SLC23A2: variants seen among roughly 807,000 people sequenced by gnomAD.
SLC23A2 encodes the protein solute carrier family 23 member 2.
Under a neutral mutation model 73.3 loss-of-function variants are expected in SLC23A2, and 36 were observed. The observed-to-expected ratio is 0.49, with a 90% confidence interval of 0.38 to 0.65. The LOEUF (loss-of-function observed/expected upper bound fraction) is 0.65. Ranked by LOEUF, SLC23A2 falls within the 30% of genes least tolerant of loss-of-function variation. The probability of loss-of-function intolerance (pLI) is 0.00; values close to 1 mark genes in which losing one functional copy is unlikely to be tolerated. For synonymous variants in SLC23A2, 343 were observed against 327.3 expected (o/e 1.05, Z -0.52); for missense variants, 507 against 841.6 (o/e 0.60, Z 4.92).
At chr20:4,880,551 A>G (rs1930841987) in intron 9 of SLC23A2, among the ~76,000 whole-genome samples, 1 of 152,212 alleles carries the variant, frequency 6.6e-6, no homozygotes, top group South Asian at 2.1e-4. Flanking sequence ...CAATCTTGGC[A>G]GAAGGAATAA....
rs571649196 is a variant in SLC23A2, at chr20:4,960,325, C to A, written c.-155+10468G>T. ...TTGTTGACAGAGAAGAAAATTGGTT[C>A]AAATACTTGGGAGAACCACTGCTAA... On this transcript the variant is annotated intron_variant, in intron 2 of 16. Transcript: ENST00000338244. Among the ~76,000 whole-genome samples the A allele has an allele frequency of 2.6e-5, 4 of 152,262 alleles. No homozygotes were observed. In the South Asian group the frequency reaches 8.3e-4, roughly 32 times the overall value.
intron 13 of SLC23A2, among the ~76,000 whole-genome samples, chr20:4,866,659 C>T (rs776042490): frequency 6.6e-6 from 1 of 152,252 alleles, no homozygotes; most frequent in African/African-American, 2.4e-5. Context: ...ACAAACAAAC[C>T]AGGCATGTGT....
intron 15 of SLC23A2, among the ~76,000 whole-genome samples, chr20:4,860,691 A>T (rs909564011): frequency 5.9e-5 from 9 of 152,250 alleles, no homozygotes; most frequent in African/African-American, 1.9e-4. Flanking sequence ...CCATCAATGG[A>T]TGAATCGATA....
chr20:4,951,685 A>G (rs763696546), intron 2 of SLC23A2, among the ~76,000 whole-genome samples: 2 of 152,210 alleles, frequency 1.3e-5, no homozygotes, highest in Non-Finnish European at 2.9e-5. Flanking sequence ...AAAAAGTGCT[A>G]AAATTGTATT....
intron 4 of SLC23A2, among the ~76,000 whole-genome samples, chr20:4,908,567 A>G (rs1324352879): frequency 2.6e-5 from 4 of 152,236 alleles, no homozygotes; most frequent in Admixed American, 2.6e-4. Flanking sequence ...ATATTTTAAA[A>G]TTGGGATTAA....
chr20:4,900,701 A>C (rs1426185898), intron 5 of SLC23A2, among the ~76,000 whole-genome samples: 1 of 152,150 alleles, frequency 6.6e-6, no homozygotes, highest in African/African-American at 2.4e-5. Flanking sequence ...AGCCATGGGA[A>C]TCTTCCAGAA....
chr20:4,984,206 A>G (rs2087782231), intron 1 of SLC23A2, among the ~76,000 whole-genome samples: 1 of 152,106 alleles, frequency 6.6e-6, no homozygotes, highest in Non-Finnish European at 1.5e-5. Context: ...GGCTGCAGTG[A>G]GCTATGATCA....
At chr20:4,962,772 T>C (rs1185316980) in intron 2 of SLC23A2, among the ~76,000 whole-genome samples, 2 of 32,692 alleles carry the variant, frequency 6.1e-5, no homozygotes, top group African/African-American at 2.5e-4. Flanking sequence ...GTCGAGGCAA[T>C]GGATCACCTG....
At chr20:4,931,568 G>A (rs539432996) in intron 3 of SLC23A2, among the ~76,000 whole-genome samples, 52 of 152,176 alleles carry the variant, frequency 3.4e-4, no homozygotes, top group African/African-American at 9.6e-4. Flanking sequence ...ACCAGACTAC[G>A]CAACACAGTG....
At chr20:4,957,840 G>A (rs2122168619) in intron 2 of SLC23A2, among the ~76,000 whole-genome samples, 1 of 150,486 alleles carries the variant, frequency 6.6e-6, no homozygotes, top group South Asian at 2.1e-4. Context: ...TGCAGAAGTT[G>A]CAGTGAGCCA....
intron 2 of SLC23A2, among the ~76,000 whole-genome samples, chr20:4,962,041 T>C (rs1271035633): frequency 6.6e-6 from 1 of 151,572 alleles, no homozygotes; most frequent in Non-Finnish European, 1.5e-5. Context: ...GTTTTCTTAA[T>C]GAACTAAGAA....
At chr20:4,918,237 T>G (rs1256065930) in intron 3 of SLC23A2, among the ~76,000 whole-genome samples, 9 of 152,198 alleles carry the variant, frequency 5.9e-5, no homozygotes, top group Non-Finnish European at 1.3e-4. Flanking sequence ...TTGATCAAGT[T>G]TTTATAAAAA....
intron 3 of SLC23A2, 51 bp downstream of exon 3, chr20:4,932,404 C>CG: frequency 9.5e-7 from 1 of 1,052,134 alleles, no homozygotes; most frequent in Non-Finnish European, 1.5e-6. Context: ...TGATTCCATA[C>CG]GGAAACTACT....
chr20:4,888,198 G>A (rs1568610478), intron 6 of SLC23A2, among the ~76,000 whole-genome samples: 2 of 152,234 alleles, frequency 1.3e-5, no homozygotes, highest in African/African-American at 2.4e-5. Context: ...CAGCCAGTGG[G>A]CCAAACCTGG....
At chr20:4,936,904 C>T (rs918130263) in intron 2 of SLC23A2, among the ~76,000 whole-genome samples, 1 of 152,152 alleles carries the variant, frequency 6.6e-6, no homozygotes, top group Admixed American at 6.5e-5. Flanking sequence ...GGATGAGACT[C>T]ATACAGCGCA....
chr20:4,895,047 CTG>C (rs1931468189), intron 6 of SLC23A2, among the ~76,000 whole-genome samples: 1 of 152,236 alleles, frequency 6.6e-6, no homozygotes. Flanking sequence ...GACAGAAATA[CTG>C]GGTACTCAGC....
chr20:4,893,414 C>T (rs985544992), intron 6 of SLC23A2, among the ~76,000 whole-genome samples: 1 of 152,124 alleles, frequency 6.6e-6, no homozygotes, highest in Non-Finnish European at 1.5e-5. Context: ...TACACTTGTA[C>T]CCCAACATAC....
intron 2 of SLC23A2, among the ~76,000 whole-genome samples, chr20:4,941,932 A>G (rs982109067): frequency 1.3e-5 from 2 of 152,188 alleles, no homozygotes; most frequent in African/African-American, 4.8e-5. Context: ...ACACACCAAA[A>G]TGTTAACCAA....
At chr20:5,005,913 G>A (rs1457584844), upstream of SLC23A2, among the ~76,000 whole-genome samples, 1 of 151,870 alleles carries the variant, frequency 6.6e-6, no homozygotes, top group Non-Finnish European at 1.5e-5. Context: ...TTGAACCTGG[G>A]AGGTGGAGGT....
Sources: gnomAD v4.1 joint callset for allele counts (sites outside exome capture counted in the v4.1 genomes callset) on GRCh38, gnomAD v4.1.1 for gene constraint, MANE v1.5 for transcripts, NCBI Gene and HGNC (gene_info 2026-07-23, HGNC 2026-07-21) for gene names.